ADAMTS15: variants seen among roughly 807,000 people sequenced by gnomAD.
The protein encoded by ADAMTS15 is ADAM metallopeptidase with thrombospondin type 1 motif 15.
Under a neutral mutation model 79.1 loss-of-function variants are expected in ADAMTS15, and 35 were observed. That is an observed-to-expected ratio of 0.44 (90% CI 0.34 to 0.59). ADAMTS15 has a LOEUF of 0.59. ADAMTS15 is among the 20% of genes least tolerant of loss of function. The pLI, the probability that ADAMTS15 is intolerant of heterozygous loss-of-function variation, is 0.02. For synonymous variants in ADAMTS15, 616 were observed against 567.3 expected (o/e 1.09, Z -1.22); for missense variants, 1,324 against 1,318.7 (o/e 1.00, Z -0.06).
chr11:130,465,370 C>T (rs1362571785), intron 4 of ADAMTS15, among the ~76,000 whole-genome samples: 2 of 152,208 alleles, frequency 1.3e-5, no homozygotes, highest in Non-Finnish European at 2.9e-5. Context: ...TTAGGGACAT[C>T]GCTGATCAAT....
Position 130,465,443 on chromosome 11 carries a change from A to G in ADAMTS15, c.1542+2663A>G, listed in dbSNP as rs537210777. Among the ~76,000 whole-genome samples the G allele has an allele frequency of 3.9e-3, 595 of 152,222 alleles. 6 individuals carry two copies. The highest frequency in any genetic ancestry group is 7.0e-3 in the Non-Finnish European group (475 of 68,018). On this transcript the variant is annotated intron_variant, in intron 4 of 7. Transcript: ENST00000299164. ...AGCTGAATCATGCCTTTTAGAATAC[A>G]AACCTGTTGTAATTTCTCCCATCTG... is the stretch of plus-strand genomic sequence containing the variant.
rs764503203 is a variant in ADAMTS15 at position 130,471,325 on chromosome 11, G to T, written c.2020G>T (p.Val674Leu). 1.1e-5 allele frequency: 17 copies of T among 1,612,680 alleles called. No homozygotes were observed. The highest frequency in any genetic ancestry group is 1.4e-5 in the Non-Finnish European group (17 of 1,179,756). The change falls in exon 7 of 8, where the codon GTG (valine) becomes TTG (leucine). Residue 674 changes from valine (V) to leucine (L), a missense_variant. By Grantham distance (32) the Val-to-Leu change is conservative (BLOSUM62 1). Transcript: ENST00000299164. ...CAAGAAGAGATTCGACAAGTGTGGGGTGTGTGGGGGAGACAATAAGAGCTG... is the reference window on the plus strand; with the variant it reads ...CAAGAAGAGATTCGACAAGTGTGGGTTGTGTGGGGGAGACAATAAGAGCTG... ...GSKKRFDKCG[V>L]CGGDNKSCKK...
chr11:130,458,166 C>T (rs926256931), intron 1 of ADAMTS15, among the ~76,000 whole-genome samples: 20 of 152,162 alleles, frequency 1.3e-4, no homozygotes, highest in African/African-American at 3.1e-4. Context: ...GAGTTCCAGA[C>T]GCCCTCTAGA....
intron 5 of ADAMTS15, among the ~76,000 whole-genome samples, chr11:130,470,138 A>ATATATATATATACG (rs1938396074): frequency 3.0e-5 from 2 of 66,944 alleles, no homozygotes; most frequent in African/African-American, 1.6e-4. Context: ...ATATACATAT[A>ATATATATATATACG]TATATATATA....
rs572417311 is a variant in ADAMTS15, at chr11:130,465,778, G to C, written c.1542+2998G>C. Among the ~76,000 whole-genome samples the C allele has an allele frequency of 4.0e-5, 6 of 151,576 alleles. No individual in the cohort carries two copies. In the South Asian group the frequency reaches 1.0e-3, roughly 26 times the overall value. ...GGAACAGGGTCTCCACTGCCTCTCG[G>C]TTGTCCTCCTCCTCCTCACGCTGCC... On this transcript the variant is annotated intron_variant, in intron 4 of 7. Coordinates refer to ENST00000299164, the MANE Select transcript of ADAMTS15 (RefSeq NM_139055.4).
chr11:130,463,260 C>T (rs1450052789), intron 4 of ADAMTS15, among the ~76,000 whole-genome samples: 5 of 152,218 alleles, frequency 3.3e-5, no homozygotes, highest in East Asian at 1.9e-4. Flanking sequence ...GGGCAAGCTT[C>T]GGGAATTGGC....
chr11:130,466,290 G>T (rs2134732043), intron 4 of ADAMTS15, among the ~76,000 whole-genome samples: 1 of 152,072 alleles, frequency 6.6e-6, no homozygotes, highest in South Asian at 2.1e-4. Flanking sequence ...ACCATTTAGA[G>T]CTTGAAGACT....
chr11:130,470,206 A>ATATATG (rs1565397932), intron 5 of ADAMTS15, among the ~76,000 whole-genome samples: 82 of 63,994 alleles, frequency 1.3e-3, no homozygotes, highest in South Asian at 4.4e-3. Flanking sequence ...ATATATATAT[A>ATATATG]TATGTATATA....
At chr11:130,454,501 A>G (rs1207418846) in intron 1 of ADAMTS15, among the ~76,000 whole-genome samples, 1 of 152,228 alleles carries the variant, frequency 6.6e-6, no homozygotes, top group Admixed American at 6.5e-5. Context: ...ATGAAGTGAT[A>G]ATACGTATGT....
At position 130,473,364 on chromosome 11, in the gene ADAMTS15, A is replaced by T; in HGVS notation, c.2396A>T (p.Tyr799Phe). The T allele has an allele frequency of 6.2e-7, 1 of 1,612,764 alleles. No individual in the cohort carries two copies. The highest frequency in any genetic ancestry group is 8.5e-7 in the Non-Finnish European group (1 of 1,179,968). The stretch of plus-strand genomic sequence containing the variant: ...CCGCCCCGGGTCCGCTACTCCTTCT[A>T]TCTGCCCAAAGAGCCTCGGGAGGAC... ...MTPPRVRYSF[Y>F]LPKEPREDKS... The change falls in exon 8 of 8, where the codon TAT (tyrosine) becomes TTT (phenylalanine). Residue 799 changes from tyrosine (Y) to phenylalanine (F), a missense_variant. Tyr to Phe is a conservative substitution (Grantham distance 22). Coordinates refer to ENST00000299164, the MANE Select transcript of ADAMTS15 (RefSeq NM_139055.4).
intron 4 of ADAMTS15, among the ~76,000 whole-genome samples, chr11:130,464,704 C>T (rs572239264): frequency 6.6e-6 from 1 of 152,292 alleles, no homozygotes; most frequent in South Asian, 2.1e-4. Flanking sequence ...CATTGGCCCC[C>T]ACTTGTAATC....
chr11:130,449,676 G>A lies in ADAMTS15; in HGVS notation c.703G>A (p.Gly235Ser), dbSNP rs61753090. The change falls in exon 1 of 8, where the codon GGC becomes AGC. Residue 235 changes from glycine (G) to serine (S), a missense_variant. By Grantham distance (56) the Gly-to-Ser change is moderately conservative. Transcript: ENST00000299164. This position sits in a 1 kb window ranked among gnomAD's most constrained non-coding sequence, Gnocchi z 7.8. ...VADESMVKFHGADLEHYLLTL... is the reference protein window; with the variant it reads ...VADESMVKFHSADLEHYLLTL... ...GGACGAGTCAATGGTCAAGTTCCAC[G>A]GCGCGGACCTGGAACATTATCTGCT... 2,324 of 1,602,656 alleles carry A rather than the reference G, an allele frequency of 1.5e-3. 31 individuals are homozygous for A. The African/African-American group carries it at 0.026, about 18-fold the overall frequency.
chr11:130,473,827 G>T lies in ADAMTS15; in HGVS notation c.*6G>T. 2 of 1,585,062 alleles carry T rather than the reference G, an allele frequency of 1.3e-6. No homozygotes were observed. The highest frequency in any genetic ancestry group is 1.7e-6 in the Non-Finnish European group (2 of 1,170,826). ...GCGTCCTGAGGCCGTGCTGAGTGGG[G>T]TCATCGCTTTCTCCCCCTCACTCTC... is the stretch of plus-strand genomic sequence containing the variant. On this transcript the variant is annotated 3_prime_UTR_variant, in exon 8 of 8. Transcript: ENST00000299164.
chr11:130,463,067 C>T lies in ADAMTS15; in HGVS notation c.1542+287C>T, dbSNP rs903779854. On this transcript the variant is annotated intron_variant, in intron 4 of 7. Transcript: ENST00000299164. ...GACGTGGGGTCTCAGCCCTGAGCTC[C>T]GGGCCTCGTCCTACCTGGGGAGGAG... Among the ~76,000 whole-genome samples the T allele has an allele frequency of 3.9e-5, 6 of 152,212 alleles. No individual in the cohort carries two copies. The East Asian group carries it at 5.8e-4, about 15-fold the overall frequency.
chr11:130,450,896 C>T (rs566545871), intron 1 of ADAMTS15, among the ~76,000 whole-genome samples: 22 of 152,228 alleles, frequency 1.4e-4, no homozygotes, highest in African/African-American at 5.1e-4. Context: ...TTGGAGATTC[C>T]AGCTGTAGAG....
Position 130,462,048 on chromosome 11 carries a change from T to G in ADAMTS15, c.1091-39T>G. ...ATTCCTCCCTCCAACCCCCATGTCC[T>G]TCCTCCTGCCCTCTCAGTCCTCTTG... On this transcript the variant is annotated intron_variant, in intron 2 of 7. Transcript: ENST00000299164. The surrounding 1 kb of genome is among the most constrained non-coding windows in gnomAD (Gnocchi z 4.3). The G allele has an allele frequency of 2.3e-6, 3 of 1,326,896 alleles. No homozygotes were observed. The highest frequency in any genetic ancestry group is 3.2e-6 in the Non-Finnish European group (3 of 946,550). 82.2% of individuals were successfully genotyped at this position (1,326,896 alleles called of 1,614,324 possible).
rs1272050698 is a variant in ADAMTS15 at position 130,474,446 on chromosome 11, C to A, written c.*625C>A. On this transcript the variant is annotated 3_prime_UTR_variant, in exon 8 of 8. Coordinates refer to ENST00000299164, the MANE Select transcript of ADAMTS15 (RefSeq NM_139055.4). ...GGTTTCTCATCCTGCACTCTTGGCC[C>A]TCCTATAAAGAAGCAGCCTCTCCTT... is the stretch of plus-strand genomic sequence containing the variant. 1.3e-5 allele frequency: 2 copies of A among 152,416 alleles called. No homozygotes were observed. The highest frequency in any genetic ancestry group is 2.9e-5 in the Non-Finnish European group (2 of 68,256). 9.4% of individuals were successfully genotyped at this position (152,416 alleles called of 1,614,324 possible). A position where few individuals can be genotyped will look rare whatever the true frequency, so the allele number is the denominator to read the frequency against.
At position 130,473,878 on chromosome 11, in the gene ADAMTS15, G is replaced by A; in HGVS notation, c.*57G>A. 1 of 1,512,106 alleles carries A rather than the reference G, an allele frequency of 6.6e-7. No individual in the cohort carries two copies. The highest frequency in any genetic ancestry group is 8.8e-7 in the Non-Finnish European group (1 of 1,133,528). 93.7% of individuals were successfully genotyped at this position (1,512,106 alleles called of 1,614,324 possible). ...CACCCCACTGATATGCCAGCGTTCT[G>A]CCAGCTGGAGTAGCGGGCAGAGGAC... is the stretch of plus-strand genomic sequence containing the variant. On this transcript the variant is annotated 3_prime_UTR_variant, in exon 8 of 8. Transcript: ENST00000299164.
chr11:130,474,126 G>A lies in ADAMTS15; in HGVS notation c.*305G>A. 6.3e-6 allele frequency: 2 copies of A among 316,038 alleles called. No homozygotes were observed. The highest frequency in any genetic ancestry group is 1.2e-5 in the Non-Finnish European group (2 of 172,562). The allele number at this position is 316,038 out of a possible 1,614,324, so 19.6% of individuals were successfully genotyped here. The stretch of plus-strand genomic sequence containing the variant: ...AGTTTCCAAGGAACTTGGAGGATGG[G>A]CACCTTCCAGGCAGAACTTCAGGGA... On this transcript the variant is annotated 3_prime_UTR_variant, in exon 8 of 8. Transcript: ENST00000299164.
Sources: gnomAD v4.1 joint callset for allele counts (sites outside exome capture counted in the v4.1 genomes callset) on GRCh38, gnomAD v4.1.1 for gene constraint, Gnocchi (gnomAD v3.1) non-coding constraint, MANE v1.5 for transcripts, NCBI Gene and HGNC (gene_info 2026-07-23, HGNC 2026-07-21) for gene names.